The following IGF2BP3 variants were observed in gnomAD, a reference collection of about 807,000 sequenced individuals.
IGF2BP3 encodes the protein insulin like growth factor 2 mRNA binding protein 3.
Under a neutral mutation model 73.8 loss-of-function variants are expected in IGF2BP3, and 9 were observed. The observed-to-expected ratio is 0.12, with a 90% CI of 0.07 to 0.21. IGF2BP3 has a LOEUF of 0.21. IGF2BP3 is among the 10% of genes least tolerant of loss of function. The pLI, the probability that IGF2BP3 is intolerant of heterozygous loss-of-function variation, is 1.00. For missense variants in IGF2BP3, 542 were observed against 714.0 expected, an observed-to-expected ratio of 0.76 and a Z score of 2.75; for synonymous variants, 258 against 256.7, an observed-to-expected ratio of 1.01 and a Z score of -0.05.
chr7:23,435,657 C>G (rs1787792223), intron 2 of IGF2BP3, among the ~76,000 whole-genome samples: 1 of 152,136 alleles, frequency 6.6e-6, no homozygotes, highest in Non-Finnish European at 1.5e-5. Context: ...GAGGTTTCAC[C>G]ATGTTGGCCA....
chr7:23,335,922 G>A (rs767881384), intron 10 of IGF2BP3, among the ~76,000 whole-genome samples: 6 of 152,160 alleles, frequency 3.9e-5, no homozygotes, highest in African/African-American at 9.7e-5. Flanking sequence ...AGTACTGTAC[G>A]AGCCAGCTGC....
intron 10 of IGF2BP3, among the ~76,000 whole-genome samples, chr7:23,333,407 T>C (rs1266178458): frequency 6.6e-6 from 1 of 152,218 alleles, no homozygotes; most frequent in Non-Finnish European, 1.5e-5. Context: ...GCATGTGTCT[T>C]AGCCTGGAAC....
chr7:23,384,501 T>G (rs1039670280), intron 3 of IGF2BP3, among the ~76,000 whole-genome samples: 1 of 152,186 alleles, frequency 6.6e-6, no homozygotes, highest in African/African-American at 2.4e-5. Flanking sequence ...AGAATGAGAC[T>G]GGAAACAATT....
intron 10 of IGF2BP3, among the ~76,000 whole-genome samples, chr7:23,332,355 A>C (rs1784465935): frequency 6.6e-6 from 1 of 152,208 alleles, no homozygotes; most frequent in Non-Finnish European, 1.5e-5. Flanking sequence ...CTAAATTTGT[A>C]CCATATTGTT....
intron 1 of IGF2BP3, 123 bp from the exon 2 acceptor site, chr7:23,468,665 C>CTTCGA: frequency 1.1e-6 from 1 of 938,716 alleles, no homozygotes; most frequent in Non-Finnish European, 1.7e-6. Context: ...CCCCGAGGCC[C>CTTCGA]GGACGCGGCT....
intron 2 of IGF2BP3, among the ~76,000 whole-genome samples, chr7:23,465,529 C>CCT (rs200422843): frequency 5.3e-5 from 8 of 151,740 alleles, no homozygotes; most frequent in African/African-American, 9.7e-5. Flanking sequence ...AGGGTCCCCC[C>CCT]CCAAGCTCCA....
intron 10 of IGF2BP3, among the ~76,000 whole-genome samples, chr7:23,329,880 G>A (rs1245487990): frequency 6.6e-6 from 1 of 152,184 alleles, no homozygotes; most frequent in Non-Finnish European, 1.5e-5. Context: ...TTATTTGCCT[G>A]AAGTCACACA....
At chr7:23,439,300 C>G (rs1355875239) in intron 2 of IGF2BP3, among the ~76,000 whole-genome samples, 2 of 151,950 alleles carry the variant, frequency 1.3e-5, no homozygotes, top group Non-Finnish European at 2.9e-5. Context: ...CGCCTGTAAT[C>G]CCAGCACTTT....
intron 3 of IGF2BP3, among the ~76,000 whole-genome samples, chr7:23,404,562 G>C (rs949359457): frequency 1.3e-5 from 2 of 152,034 alleles, no homozygotes; most frequent in Non-Finnish European, 2.9e-5. Context: ...CACCACCTTT[G>C]TCTACCAGAT....
At position 23,310,854 on chromosome 7, in the gene IGF2BP3, C is replaced by A. The variant is rs1783806194; in HGVS notation, c.*1508G>T. On this transcript the variant is annotated 3_prime_UTR_variant, in exon 15 of 15. Coordinates refer to ENST00000258729, the MANE Select transcript of IGF2BP3 (RefSeq NM_006547.3). ...GTGTAACATGACTGTGATCATCTTA[C>A]AAACAAAACTCAAAAAATCAATTCA... The A allele has an allele frequency of 6.6e-6, 1 of 151,886 alleles. No homozygotes were observed. The highest frequency in any genetic ancestry group is 2.4e-5 in the African/African-American group (1 of 41,342). 9.4% of individuals were successfully genotyped at this position (151,886 alleles called of 1,614,324 possible).
chr7:23,317,977 T>G, intron 11 of IGF2BP3: 1 of 510,936 alleles, frequency 2.0e-6, no homozygotes, highest in East Asian at 3.1e-5. Context: ...CCTGATGAAG[T>G]AGTATTACCT....
intron 10 of IGF2BP3, among the ~76,000 whole-genome samples, chr7:23,337,093 C>A (rs1246949301): frequency 6.6e-6 from 1 of 152,174 alleles, no homozygotes; most frequent in East Asian, 1.9e-4. Context: ...TTAGTGATTT[C>A]GGTTTAGAAA....
intron 3 of IGF2BP3, chr7:23,402,685 G>A (rs527676054): frequency 2.0e-5 from 3 of 152,174 alleles, no homozygotes; most frequent in Non-Finnish European, 4.4e-5. Flanking sequence ...ATAGCAGACT[G>A]ACAAGAATTT....
intron 5 of IGF2BP3, among the ~76,000 whole-genome samples, chr7:23,352,052 T>C (rs532516907): frequency 6.6e-6 from 1 of 152,258 alleles, no homozygotes; most frequent in Non-Finnish European, 1.5e-5. Flanking sequence ...ATATGAAGTA[T>C]TTAAAACCAT....
At chr7:23,341,762 A>G (rs1377463153) in intron 10 of IGF2BP3, among the ~76,000 whole-genome samples, 1 of 151,890 alleles carries the variant, frequency 6.6e-6, no homozygotes, top group Admixed American at 6.5e-5. Flanking sequence ...GAATAAAAAA[A>G]AAAGAAAAAA....
intron 10 of IGF2BP3, among the ~76,000 whole-genome samples, chr7:23,325,243 T>C (rs375164590): frequency 0.14 from 21,462 of 151,654 alleles, 3,774 homozygotes; most frequent in African/African-American, 0.42. Context: ...ACAAAATCAA[T>C]GTACAAAAAT....
At chr7:23,449,314 G>A (rs968109680) in intron 2 of IGF2BP3, among the ~76,000 whole-genome samples, 8 of 151,678 alleles carry the variant, frequency 5.3e-5, no homozygotes, top group Admixed American at 2.0e-4. Context: ...TCAAGAGATC[G>A]CGACCATCCT....
At chr7:23,354,587 A>G (rs1785045821) in intron 5 of IGF2BP3, among the ~76,000 whole-genome samples, 2 of 152,222 alleles carry the variant, frequency 1.3e-5, no homozygotes, top group African/African-American at 4.8e-5. Flanking sequence ...AGATGCTTCT[A>G]TATTCTAGAA....
At chr7:23,364,141 C>T (rs888486036) in intron 3 of IGF2BP3, among the ~76,000 whole-genome samples, 37 of 152,018 alleles carry the variant, frequency 2.4e-4, no homozygotes, top group African/African-American at 7.7e-4. Flanking sequence ...TTTGGGAGGC[C>T]GAGGCAGGTG....
Sources: gnomAD v4.1 joint callset for allele counts (sites outside exome capture counted in the v4.1 genomes callset) on GRCh38, gnomAD v4.1.1 for gene constraint, MANE v1.5 for transcripts, NCBI Gene and HGNC (gene_info 2026-07-23, HGNC 2026-07-21) for gene names.